Variants in ZMPSTE24 observed in about 807,000 individuals in gnomAD.
ZMPSTE24 encodes CAAX prenyl protease 1 homolog.
A neutral mutation model predicts 56.7 loss-of-function variants in ZMPSTE24; 48 were observed. The ratio of observed to expected loss-of-function variants is 0.85; its 90% CI spans 0.67 to 1.08. The LOEUF is 1.08. Ranked by LOEUF, ZMPSTE24 falls within the 50% of genes least tolerant of loss-of-function variation. The pLI is 0.00. For missense variants in ZMPSTE24, 503 were observed against 548.7 expected, an observed-to-expected ratio of 0.92 and a Z score of 0.83; for synonymous variants, 172 against 195.2, an observed-to-expected ratio of 0.88 and a Z score of 0.99.
In ZMPSTE24 at chr1:40,268,527, A is replaced by G; in HGVS notation, c.466A>G (p.Asn156Asp). The change falls in exon 4 of 10, where the codon AAT (asparagine) becomes GAT (aspartate). Residue 156 changes from asparagine to aspartate, a missense_variant. Transcript: ENST00000372759. ...TGTGATAGAAGAAAAACATGGCTTC[A>G]ATCAACAGGTATAATAAAGAATACA... ...TFVIEEKHGF[N>D]QQTLGFFMKD... The G allele has an allele frequency of 6.3e-7, 1 of 1,589,298 alleles. No homozygotes were observed. Among genetic ancestry groups the G allele is most frequent in the Non-Finnish European group, 8.6e-7 (1 of 1,159,302 alleles).
intron 5 of ZMPSTE24, among the ~76,000 whole-genome samples, chr1:40,271,484 TCTA>T (rs1643613427): frequency 6.6e-6 from 1 of 152,246 alleles, no homozygotes; most frequent in East Asian, 1.9e-4. Context: ...ACAATCAAGT[TCTA>T]CTAATTCTTT....
chr1:40,271,949 C>A lies in ZMPSTE24; in HGVS notation c.683C>A (p.Pro228His). ...YIAPLFDKFT[P>H]LPEGKLKEEI... ...GCCCCTTTATTTGACAAATTCACAC[C>A]TCTGCCTGAGGGAAAGCTTAAAGAA... Residue 228 changes from proline to histidine, a missense_variant, in exon 6 of 10, where the codon CCT (proline) becomes CAT (histidine). By Grantham distance (77) the Pro-to-His change is moderately conservative. Transcript: ENST00000372759. The A allele has an allele frequency of 6.2e-7, 1 of 1,613,626 alleles. No homozygotes were observed.
chr1:40,276,257 T>C (rs1643670597), intron 6 of ZMPSTE24, among the ~76,000 whole-genome samples: 1 of 152,236 alleles, frequency 6.6e-6, no homozygotes, highest in South Asian at 2.1e-4. Context: ...TCTGGAGTTT[T>C]AGGGCGAGGT....
At chr1:40,273,035 T>C (rs192397331) in intron 6 of ZMPSTE24, among the ~76,000 whole-genome samples, 2 of 152,104 alleles carry the variant, frequency 1.3e-5, no homozygotes, top group Non-Finnish European at 2.9e-5. Flanking sequence ...TTTATGAAAA[T>C]AAATGGCAGA....
intron 2 of ZMPSTE24, among the ~76,000 whole-genome samples, chr1:40,265,587 T>A (rs144160033): frequency 6.6e-6 from 1 of 152,198 alleles, no homozygotes; most frequent in Non-Finnish European, 1.5e-5. Flanking sequence ...TCCTGGCTAC[T>A]TGGGGGGCTG....
At chr1:40,278,002 AAGATAG>A (rs1290720042) in intron 6 of ZMPSTE24, among the ~76,000 whole-genome samples, 5 of 151,686 alleles carry the variant, frequency 3.3e-5, no homozygotes, top group East Asian at 1.9e-4. Context: ...AGGATCAGGA[AAGATAG>A]AGATAGAAGG....
At chr1:40,261,726 T>G (rs1643498968) in intron 2 of ZMPSTE24, among the ~76,000 whole-genome samples, 1 of 152,178 alleles carries the variant, frequency 6.6e-6, no homozygotes. Flanking sequence ...TGTTTTTGTT[T>G]TTGAGCAGTG....
chr1:40,273,540 A>AAAAAAAAAAAAAAAAC, intron 6 of ZMPSTE24, among the ~76,000 whole-genome samples: 1 of 78,484 alleles, frequency 1.3e-5, no homozygotes, highest in Non-Finnish European at 2.4e-5. Flanking sequence ...AAAAAAAAAT[A>AAAAAAAAAAAAAAAAC]TATATATATA....
chr1:40,267,685 T>C (rs1344075417), intron 2 of ZMPSTE24, 101 bp from the exon 3 acceptor site: 4 of 977,928 alleles, frequency 4.1e-6, no homozygotes, highest in Non-Finnish European at 4.9e-6. Context: ...GTTTTTTTAA[T>C]AGAGATGATT....
rs148468830 is a variant in ZMPSTE24 at position 40,265,426 on chromosome 1, T to C, written c.271-2360T>C. ...GTTAGGGGAGCCTTTTGAAAAGCAATTTATTGGGGCTGAGTGCAGTAGCTC... is the reference window on the plus strand; with the variant it reads ...GTTAGGGGAGCCTTTTGAAAAGCAACTTATTGGGGCTGAGTGCAGTAGCTC... On this transcript the variant is annotated intron_variant, in intron 2 of 9. Coordinates refer to ENST00000372759, the MANE Select transcript of ZMPSTE24 (RefSeq NM_005857.5). Among the ~76,000 whole-genome samples, 311 of 152,206 alleles carry C rather than the reference T, an allele frequency of 2.0e-3. 1 individual carries two copies. Among genetic ancestry groups the C allele is most frequent in the African/African-American group, 7.3e-3 (304 of 41,510 alleles).
chr1:40,270,886 A>G (rs903000359), intron 5 of ZMPSTE24, among the ~76,000 whole-genome samples: 4 of 152,192 alleles, frequency 2.6e-5, no homozygotes, highest in Admixed American at 6.5e-5. Flanking sequence ...TGGGAAGCCA[A>G]GGTGGGAGGA....
intron 7 of ZMPSTE24, among the ~76,000 whole-genome samples, chr1:40,284,584 T>G (rs1048770361): frequency 6.6e-6 from 1 of 151,914 alleles, no homozygotes; most frequent in African/African-American, 2.4e-5. Context: ...AAACCCTGTC[T>G]CTACTAAAAA....
At chr1:40,292,008 T>G (rs529849422) in intron 9 of ZMPSTE24, among the ~76,000 whole-genome samples, 1 of 151,940 alleles carries the variant, frequency 6.6e-6, no homozygotes, top group African/African-American at 2.4e-5. Context: ...GCCCAGCTAA[T>G]TTTTGTATTT....
chr1:40,266,650 T>C (rs1345745156), intron 2 of ZMPSTE24, among the ~76,000 whole-genome samples: 1 of 152,186 alleles, frequency 6.6e-6, no homozygotes. Flanking sequence ...TTCTGTGCTT[T>C]GTTCTGATGG....
intron 7 of ZMPSTE24, among the ~76,000 whole-genome samples, chr1:40,283,006 A>G (rs995573606): frequency 3.3e-5 from 5 of 152,236 alleles, no homozygotes; most frequent in African/African-American, 4.8e-5. Context: ...AGAGAGTACC[A>G]GAAAATGATT....
intron 6 of ZMPSTE24, among the ~76,000 whole-genome samples, chr1:40,276,546 T>A (rs1643673024): frequency 1.3e-5 from 2 of 152,242 alleles, no homozygotes; most frequent in Admixed American, 1.3e-4. Context: ...TGGCAATGCC[T>A]TACATTTTTG....
intron 6 of ZMPSTE24, among the ~76,000 whole-genome samples, chr1:40,277,814 C>A (rs919246217): frequency 6.6e-6 from 1 of 151,334 alleles, no homozygotes; most frequent in South Asian, 2.1e-4. Flanking sequence ...ACTAAAAATA[C>A]AAAAATTAGC....
At chr1:40,274,564 C>T (rs761799274) in intron 6 of ZMPSTE24, among the ~76,000 whole-genome samples, 1 of 152,056 alleles carries the variant, frequency 6.6e-6, no homozygotes, top group African/African-American at 2.4e-5. Context: ...TGTGGCTGCA[C>T]CATAGCAGGA....
chr1:40,285,531 C>T (rs1462341461), intron 7 of ZMPSTE24, among the ~76,000 whole-genome samples: 2 of 152,224 alleles, frequency 1.3e-5, no homozygotes, highest in Non-Finnish European at 2.9e-5. Flanking sequence ...TGAGCCACTG[C>T]AATTGGCCCT....
Sources: allele counts gnomAD v4.1 joint callset (sites outside exome capture counted in the v4.1 genomes callset), GRCh38; gene constraint gnomAD v4.1.1; transcripts MANE v1.5; gene names NCBI Gene and HGNC (gene_info 2026-07-23, HGNC 2026-07-21).